The following PKHD1 variants were observed in gnomAD, a reference collection of about 807,000 sequenced individuals.
The protein encoded by PKHD1 is fibrocystin.
A neutral mutation model predicts 412.0 loss-of-function variants in PKHD1; 291 were observed. That is an observed-to-expected ratio of 0.71 (90% CI 0.64 to 0.78). The LOEUF is 0.78. PKHD1 is among the 30% of genes least tolerant of loss of function. PKHD1 has a pLI of 0.00. For missense variants in PKHD1, 4,825 were observed against 4,950.7 expected (o/e 0.97, Z 0.76); for synonymous variants, 1,777 against 1,821.5 (o/e 0.98, Z 0.62).
chr6:52,026,334 T>G (rs558540105), intron 31 of PKHD1, among the ~76,000 whole-genome samples, 153 bp from the exon 32 acceptor site: 1 of 152,338 alleles, frequency 6.6e-6, no homozygotes, highest in East Asian at 1.9e-4. Flanking sequence ...CAAAGCTAAA[T>G]TTGTGATTAT....
chr6:51,772,416 G>A (rs1287847473), intron 55 of PKHD1, among the ~76,000 whole-genome samples: 1 of 151,518 alleles, frequency 6.6e-6, no homozygotes, highest in African/African-American at 2.4e-5. Flanking sequence ...TTATCTCATG[G>A]AATTCATATA....
At chr6:52,030,593 A>G (rs1338317123) in intron 29 of PKHD1, among the ~76,000 whole-genome samples, 1 of 151,838 alleles carries the variant, frequency 6.6e-6, no homozygotes, top group African/African-American at 2.4e-5. Context: ...TTCACAGAGG[A>G]GGAGGAAGTC....
chr6:52,061,867 T>G (rs1808729469), intron 14 of PKHD1, among the ~76,000 whole-genome samples: 1 of 152,072 alleles, frequency 6.6e-6, no homozygotes, highest in Non-Finnish European at 1.5e-5. Context: ...AAGGAAACAG[T>G]GTGTCTAAGC....
At chr6:51,951,931 G>A (rs1204380019) in intron 36 of PKHD1, among the ~76,000 whole-genome samples, 2 of 152,172 alleles carry the variant, frequency 1.3e-5, no homozygotes, top group African/African-American at 4.8e-5. Context: ...AAGGAAGCTT[G>A]AAACATTTAT....
intron 56 of PKHD1, among the ~76,000 whole-genome samples, chr6:51,754,347 C>T (rs527411440): frequency 1.4e-3 from 212 of 152,048 alleles, no homozygotes; most frequent in Non-Finnish European, 2.5e-3. Context: ...TCAGGAAGGA[C>T]ACATTTCTAA....
rs770992809 is a variant in PKHD1 at position 52,024,763 on chromosome 6, T to C, written c.5047A>G (p.Ile1683Val). The change falls in exon 32 of 67, where the codon ATT (isoleucine) becomes GTT (valine). Residue 1683 changes from isoleucine (I) to valine (V), a missense_variant. Coordinates refer to ENST00000371117, the MANE Select transcript of PKHD1 (RefSeq NM_138694.4). ...AVAQISGAAN[I>V]DIFIGMSPCV... ...GGTGACATTCCTATAAAAATGTCAA[T>C]GTTTGCAGCTCCTGAGATCTGGGCC... is the stretch of plus-strand genomic sequence containing the variant. 7 of 1,614,196 alleles carry C rather than the reference T, an allele frequency of 4.3e-6. No individual in the cohort carries two copies. The East Asian group carries it at 1.1e-4, about 26-fold the overall frequency.
intron 52 of PKHD1, among the ~76,000 whole-genome samples, chr6:51,820,155 C>CAT (rs1331207223): frequency 6.6e-6 from 1 of 150,908 alleles, no homozygotes; most frequent in African/African-American, 2.4e-5. Context: ...ATGACCTTTC[C>CAT]ATATGATTTA....
chr6:51,645,469 C>T (rs527677104), intron 63 of PKHD1, among the ~76,000 whole-genome samples: 20 of 152,072 alleles, frequency 1.3e-4, no homozygotes, highest in Non-Finnish European at 1.9e-4. Flanking sequence ...CTTGGCTCAC[C>T]GCAACCTCTG....
At chr6:51,730,818 C>T (rs777953879) in intron 60 of PKHD1, among the ~76,000 whole-genome samples, 1 of 152,100 alleles carries the variant, frequency 6.6e-6, no homozygotes, top group Non-Finnish European at 1.5e-5. Flanking sequence ...TATATGCATA[C>T]ACATGAAAAT....
At chr6:51,741,927 C>T (rs1784604021) in intron 60 of PKHD1, among the ~76,000 whole-genome samples, 1 of 152,164 alleles carries the variant, frequency 6.6e-6, no homozygotes, top group Non-Finnish European at 1.5e-5. Context: ...GGGATCCTCA[C>T]CAAAAGCTCA....
Position 52,053,109 on chromosome 6 carries a change from C to A in PKHD1, c.2107G>T (p.Asp703Tyr). The change falls in exon 21 of 67, where the codon GAT becomes TAT. Residue 703 changes from aspartate (D) to tyrosine (Y), a missense_variant. Physicochemically the swap from Asp to Tyr is radical, Grantham distance 160. Transcript: ENST00000371117. ...LAQETGLFYV[D>Y]EIIIADTNVT... Reference sequence around the variant, plus strand: ...TTTGTGTCTGCAATAATAATTTCATCCACATAGAACAGGCCCGTCTCCTGG... The same window carrying A: ...TTTGTGTCTGCAATAATAATTTCATACACATAGAACAGGCCCGTCTCCTGG... 1 of 1,614,112 alleles carries A rather than the reference C, an allele frequency of 6.2e-7. No individual in the cohort carries two copies. The highest frequency in any genetic ancestry group is 1.7e-5 in the Admixed American group (1 of 60,018).
intron 37 of PKHD1, among the ~76,000 whole-genome samples, chr6:51,917,513 T>A (rs889018502): frequency 1.3e-5 from 2 of 152,016 alleles, no homozygotes; most frequent in African/African-American, 4.8e-5. Context: ...GCAGTGACAC[T>A]CAGGGGTGTA....
At chr6:51,653,751 A>C (rs1771342383) in intron 61 of PKHD1, among the ~76,000 whole-genome samples, 1 of 152,134 alleles carries the variant, frequency 6.6e-6, no homozygotes, top group Non-Finnish European at 1.5e-5. Context: ...GCTGTTAAGT[A>C]AGCCTAGGTG....
chr6:52,016,649 AAAAAAGAAAAG>A (rs1261381449), intron 34 of PKHD1, among the ~76,000 whole-genome samples: 4 of 151,696 alleles, frequency 2.6e-5, no homozygotes, highest in African/African-American at 9.7e-5. Flanking sequence ...AAAAAAAAAA[AAAAAAGAAAAG>A]AAAAAGAAAA....
At chr6:52,075,863 T>C (rs150672527) in intron 6 of PKHD1, among the ~76,000 whole-genome samples, 116 of 152,308 alleles carry the variant, frequency 7.6e-4, no homozygotes, top group African/African-American at 2.6e-3. Flanking sequence ...GGAATAAAAA[T>C]AGCTCTTCTA....
intron 35 of PKHD1, among the ~76,000 whole-genome samples, chr6:51,964,232 G>T (rs1288952656): frequency 1.3e-5 from 2 of 152,100 alleles, no homozygotes; most frequent in Non-Finnish European, 2.9e-5. Flanking sequence ...AGAAGTCATT[G>T]ATCAGCAAGT....
At chr6:51,855,086 C>A (rs1562470632) in intron 49 of PKHD1, among the ~76,000 whole-genome samples, 2 of 152,168 alleles carry the variant, frequency 1.3e-5, no homozygotes, top group Non-Finnish European at 2.9e-5. Flanking sequence ...ATGGGTTGCA[C>A]AATTCCGTGG....
intron 34 of PKHD1, among the ~76,000 whole-genome samples, chr6:52,013,964 C>G (rs1800128483): frequency 6.6e-6 from 1 of 152,252 alleles, no homozygotes. Flanking sequence ...GCTGCCAGCA[C>G]AGCATTGCAC....
intron 60 of PKHD1, among the ~76,000 whole-genome samples, chr6:51,676,196 A>T (rs1775813805): frequency 6.6e-6 from 1 of 151,604 alleles, no homozygotes; most frequent in African/African-American, 2.4e-5. Context: ...ACGTTTGAAA[A>T]GAAAATATGC....
Sources: allele counts gnomAD v4.1 joint callset (sites outside exome capture counted in the v4.1 genomes callset), GRCh38; gene constraint gnomAD v4.1.1; transcripts MANE v1.5; gene names NCBI Gene and HGNC (gene_info 2026-07-23, HGNC 2026-07-21).